The following NFASC variants were observed in gnomAD, a reference collection of about 807,000 sequenced individuals.
NFASC encodes the protein neurofascin homolog.
A neutral mutation model predicts 147.5 loss-of-function variants in NFASC; 43 were observed. That is an observed-to-expected ratio of 0.29 (90% confidence interval 0.23 to 0.38). The LOEUF (loss-of-function observed/expected upper bound fraction) is 0.38, where lower values mean the gene tolerates loss of function less well. NFASC is among the 10% of genes least tolerant of loss of function. NFASC has a pLI of 1.00. For synonymous variants in NFASC, 622 were observed against 665.5 expected (o/e 0.93, Z 1.01); for missense variants, 1,320 against 1,689.0 (o/e 0.78, Z 3.83).
rs759517035 is a variant in NFASC at position 204,975,267 on chromosome 1, A to G, written c.1559-4A>G. ...AGTGGCGAGTGCTCTGGGCTTCTCC[A>G]CAGACCCCACCAGGATCTACCGGAT... On this transcript the variant is annotated splice_polypyrimidine_tract_variant and splice_region_variant and intron_variant, in intron 14 of 29. Transcript: ENST00000339876. This position sits in a 1 kb window ranked among gnomAD's most constrained non-coding sequence, Gnocchi z 4.0. The G allele has an allele frequency of 5.6e-6, 9 of 1,608,860 alleles. No homozygotes were observed. The highest frequency in any genetic ancestry group is 1.7e-6 in the Non-Finnish European group (2 of 1,176,760).
At chr1:204,982,078 C>A in intron 21 of NFASC, 58 bp downstream of exon 21, 1 of 1,217,144 alleles carries the variant, frequency 8.2e-7, no homozygotes, top group Non-Finnish European at 1.1e-6. Flanking sequence ...TCGCACGAGG[C>A]CACGCTCACA....
intron 8 of NFASC, among the ~76,000 whole-genome samples, chr1:204,960,589 C>T (rs576854969): frequency 6.4e-4 from 97 of 152,158 alleles, no homozygotes; most frequent in Non-Finnish European, 1.0e-3. Flanking sequence ...CAGTTCTGGG[C>T]GTGGGCTACT....
intron 1 of NFASC, among the ~76,000 whole-genome samples, chr1:204,916,045 T>C (rs189468748): frequency 2.9e-4 from 44 of 152,258 alleles, no homozygotes; most frequent in African/African-American, 1.0e-3. Context: ...CCACACCTAC[T>C]CTCCTTGCTT....
chr1:204,974,957 C>T (rs2095362899), intron 14 of NFASC, 134 bp downstream of exon 14: 3 of 895,508 alleles, frequency 3.4e-6, no homozygotes, highest in Admixed American at 2.2e-5. Context: ...CCAGTTTGCA[C>T]CTGTGGAGTC....
chr1:204,999,202 T>A (rs151061695), intron 25 of NFASC: 1 of 152,200 alleles, frequency 6.6e-6, no homozygotes, highest in African/African-American at 2.4e-5. Flanking sequence ...TGACCCTTTT[T>A]GTGTTTCTCG....
At chr1:204,910,623 C>G (rs1401437311) in intron 1 of NFASC, among the ~76,000 whole-genome samples, 2 of 151,976 alleles carry the variant, frequency 1.3e-5, no homozygotes, top group East Asian at 3.9e-4. Context: ...AGGCTTGCAT[C>G]TGGATGTGCT....
chr1:204,946,178 C>T, intron 3 of NFASC: 2 of 393,508 alleles, frequency 5.1e-6, no homozygotes, highest in Non-Finnish European at 5.3e-6. Context: ...CGCGGAAACT[C>T]AAGCCTTTGC....
chr1:204,886,225 G>A (rs1056025024), intron 1 of NFASC, among the ~76,000 whole-genome samples: 8 of 152,282 alleles, frequency 5.3e-5, no homozygotes, highest in Non-Finnish European at 8.8e-5. Context: ...CTTTAAGCAA[G>A]AACTGCATCA....
intron 1 of NFASC, among the ~76,000 whole-genome samples, chr1:204,891,993 C>G (rs2082496443): frequency 1.3e-5 from 2 of 152,206 alleles, no homozygotes; most frequent in South Asian, 4.1e-4. Flanking sequence ...GAAGAAGATA[C>G]CATGGGCTCC....
At chr1:204,935,885 C>T (rs2092774200) in intron 2 of NFASC, among the ~76,000 whole-genome samples, 1 of 152,196 alleles carries the variant, frequency 6.6e-6, no homozygotes, top group South Asian at 2.1e-4. Flanking sequence ...TAGGCTGCTG[C>T]ACAGGGTTTC....
chr1:204,957,664 C>A lies in NFASC; in HGVS notation c.544C>A (p.Pro182Thr). The A allele has an allele frequency of 6.2e-7, 1 of 1,614,018 alleles. No individual in the cohort carries two copies. Among genetic ancestry groups the A allele is most frequent in the Non-Finnish European group, 8.5e-7 (1 of 1,179,912 alleles). The change falls in exon 8 of 30, where the codon CCC (proline) becomes ACC (threonine). Residue 182 changes from proline to threonine, a missense_variant. Coordinates refer to ENST00000339876, the MANE Select transcript of NFASC (RefSeq NM_001005388.3). ...VIFWMSSSMEPITQDKRVSQG... is the reference protein window; with the variant it reads ...VIFWMSSSMETITQDKRVSQG... ...CCTCTGCTTTCTTATAGCCATGGAG[C>A]CCATCACCCAAGACAAACGTGTCTC...
At chr1:204,915,144 G>C (rs1238195660) in intron 1 of NFASC, among the ~76,000 whole-genome samples, 1 of 152,154 alleles carries the variant, frequency 6.6e-6, no homozygotes, top group South Asian at 2.1e-4. Flanking sequence ...GCCGGGCGTG[G>C]TGGTGGGTGC....
At chr1:204,845,764 C>T (rs1235296255) in intron 1 of NFASC, among the ~76,000 whole-genome samples, 4 of 151,466 alleles carry the variant, frequency 2.6e-5, no homozygotes, top group East Asian at 4.0e-4. Context: ...ATCAGCTAGG[C>T]ATGGTGGCAC....
Position 205,018,561 on chromosome 1 carries a change from T to C in NFASC, c.*2022T>C, listed in dbSNP as rs2096379279. On this transcript the variant is annotated 3_prime_UTR_variant, in exon 30 of 30. Transcript: ENST00000339876. Reference sequence around the variant, plus strand: ...CTGCCTGGACGCCTGAGGGGCAGCTTATCACAGTGCAAGGGGACAGGGTAA... The same window carrying C: ...CTGCCTGGACGCCTGAGGGGCAGCTCATCACAGTGCAAGGGGACAGGGTAA... 6.5e-6 allele frequency: 1 copy of C among 152,702 alleles called. No homozygotes were observed. Among genetic ancestry groups the C allele is most frequent in the South Asian group, 2.1e-4 (1 of 4,832 alleles). The allele number at this position is 152,702 out of a possible 1,614,324, so 9.5% of individuals were successfully genotyped here.
At chr1:204,917,751 CTGTT>C (rs1459286619) in intron 1 of NFASC, among the ~76,000 whole-genome samples, 2 of 152,072 alleles carry the variant, frequency 1.3e-5, no homozygotes, top group Non-Finnish European at 2.9e-5. Flanking sequence ...CTTTGACACT[CTGTT>C]TGCTTTTTTG....
chr1:204,875,814 C>T (rs1479591175), intron 1 of NFASC, among the ~76,000 whole-genome samples: 4 of 152,192 alleles, frequency 2.6e-5, no homozygotes, highest in Non-Finnish European at 5.9e-5. Context: ...AATCTCCAAC[C>T]AAGACAGGAT....
At chr1:204,941,928 T>G (rs975307987) in intron 2 of NFASC, among the ~76,000 whole-genome samples, 1 of 152,144 alleles carries the variant, frequency 6.6e-6, no homozygotes, top group Non-Finnish European at 1.5e-5. Flanking sequence ...CCTGGTGGTT[T>G]TCTGGGGAAA....
intron 8 of NFASC, among the ~76,000 whole-genome samples, chr1:204,962,408 G>A (rs2094723432): frequency 6.6e-6 from 1 of 152,196 alleles, no homozygotes; most frequent in African/African-American, 2.4e-5. Context: ...TCAAACCAGG[G>A]TAGGACTTCA....
At position 204,954,370 on chromosome 1, in the gene NFASC, G is replaced by A. The variant is rs756360491; in HGVS notation, c.398G>A (p.Arg133His). 6.9e-5 allele frequency: 111 copies of A among 1,613,884 alleles called. No individual in the cohort carries two copies. The highest frequency in any genetic ancestry group is 8.9e-5 in the Non-Finnish European group (105 of 1,179,968). ...GGCACGGCCCTGTCCAATAGGATCCGCCTGCAGGTGTCTAGTGAGTAGCGT... is the reference window on the plus strand; with the variant it reads ...GGCACGGCCCTGTCCAATAGGATCCACCTGCAGGTGTCTAGTGAGTAGCGT... ...KFGTALSNRI[R>H]LQVSKSPLWP... Residue 133 changes from arginine (R) to histidine (H), a missense_variant, in exon 6 of 30, where the codon CGC (arginine) becomes CAC (histidine). Arg to His is a conservative substitution (Grantham distance 29, BLOSUM62 0). Around this residue, in one of 3 missense-constraint regions of NFASC, gnomAD observed 981 missense variants for 1,289.5 expected, o/e 0.76. Transcript: ENST00000339876. The surrounding 1 kb of genome is among the most constrained non-coding windows in gnomAD (Gnocchi z 5.7).
Sources: allele counts gnomAD v4.1 joint callset (sites outside exome capture counted in the v4.1 genomes callset), GRCh38; gene constraint gnomAD v4.1.1; regional missense constraint gnomAD v4.1.1; non-coding constraint Gnocchi (gnomAD v3.1); transcripts MANE v1.5; gene names NCBI Gene and HGNC (gene_info 2026-07-23, HGNC 2026-07-21).